CFAP97: variants seen among roughly 807,000 people sequenced by gnomAD.
The protein encoded by CFAP97 is cilia and flagella associated protein 97, also known as cilia- and flagella-associated protein 97.
CFAP97 carries 36 observed loss-of-function variants against 43.1 expected under a neutral mutation model. The observed-to-expected ratio is 0.84, with a 90% CI of 0.64 to 1.10. CFAP97 has a LOEUF of 1.10. CFAP97 is among the 50% of genes least tolerant of loss of function. The pLI is 0.00. For missense variants in CFAP97, 657 were observed against 620.3 expected, an observed-to-expected ratio of 1.06 and a Z score of -0.63; for synonymous variants, 228 against 225.7, an observed-to-expected ratio of 1.01 and a Z score of -0.09.
chr4:185,170,432 G>A (rs1037297525), intron 3 of CFAP97: 10 of 403,730 alleles, frequency 2.5e-5, no homozygotes, highest in African/African-American at 8.3e-5. Flanking sequence ...TTATTGAGAC[G>A]GAGTTTTGCT....
chr4:185,190,126 G>T lies in CFAP97; in HGVS notation c.1054+17C>A. On this transcript the variant is annotated intron_variant, in intron 2 of 4. Coordinates refer to ENST00000458385, the MANE Select transcript of CFAP97 (RefSeq NM_020827.3). ...ATAATATTTAAACACACATTTTTAA[G>T]AAGAAAAGAAAATTACCTTTCAAGA... The T allele has an allele frequency of 6.6e-7, 1 of 1,517,240 alleles. No homozygotes were observed. Among genetic ancestry groups the T allele is most frequent in the Non-Finnish European group, 8.9e-7 (1 of 1,127,326 alleles). 94.0% of individuals were successfully genotyped at this position (1,517,240 alleles called of 1,614,324 possible).
At chr4:185,206,660 C>CAAAAA (rs375061067), upstream of CFAP97, among the ~76,000 whole-genome samples, 1,919 of 77,126 alleles carry the variant, frequency 0.025, 100 homozygotes, top group African/African-American at 0.065. Flanking sequence ...ACTCTTGTCT[C>CAAAAA]AAAAAAAAAA....
intron 2 of CFAP97, among the ~76,000 whole-genome samples, chr4:185,184,509 T>G (rs1735932576): frequency 6.6e-6 from 1 of 152,192 alleles, no homozygotes; most frequent in Admixed American, 6.5e-5. Context: ...TCTCTTCCTC[T>G]GGACACTGTT....
At chr4:185,196,327 A>G (rs1736541096) in intron 1 of CFAP97, among the ~76,000 whole-genome samples, 1 of 152,110 alleles carries the variant, frequency 6.6e-6, no homozygotes, top group Non-Finnish European at 1.5e-5. Flanking sequence ...ATAAAAAATT[A>G]GCTGGGTGTG....
intron 3 of CFAP97, chr4:185,170,282 G>A: frequency 1.5e-6 from 1 of 656,732 alleles, no homozygotes. Flanking sequence ...GGAGATGGAG[G>A]CTGCAAGGAG....
intron 1 of CFAP97, among the ~76,000 whole-genome samples, chr4:185,191,749 G>C (rs891571513): frequency 6.6e-6 from 1 of 152,140 alleles, no homozygotes; most frequent in Non-Finnish European, 1.5e-5. Context: ...AGAATTGCTT[G>C]AACCCAGGAG....
At chr4:185,205,647 G>A (rs753391380), upstream of CFAP97, among the ~76,000 whole-genome samples, 1 of 152,032 alleles carries the variant, frequency 6.6e-6, no homozygotes, top group Non-Finnish European at 1.5e-5. Context: ...TGGCCAACAT[G>A]GTGAAACTCC....
intron 1 of CFAP97, among the ~76,000 whole-genome samples, chr4:185,197,376 G>A (rs1736601624): frequency 6.6e-6 from 1 of 151,632 alleles, no homozygotes; most frequent in South Asian, 2.1e-4. Context: ...TACACTGAAT[G>A]TCTCTGCTGG....
Position 185,190,848 on chromosome 4 carries a change from G to T in CFAP97, c.349C>A (p.Pro117Thr). 1 of 1,610,680 alleles carries T rather than the reference G, an allele frequency of 6.2e-7. No homozygotes were observed. The highest frequency in any genetic ancestry group is 8.5e-7 in the Non-Finnish European group (1 of 1,178,156). Residue 117 changes from proline to threonine, a missense_variant, in exon 2 of 5, where the codon CCA (proline) becomes ACA (threonine). Transcript: ENST00000458385. ...TTGLKIHVSIPNRIPKIVKEG... is the reference protein window; with the variant it reads ...TTGLKIHVSITNRIPKIVKEG... ...TTTACAATTTTGGGAATTCTATTTG[G>T]AATGGACACGTGTATTTTAAGTCCT...
upstream of CFAP97, among the ~76,000 whole-genome samples, chr4:185,204,974 G>T (rs1737121631): frequency 6.6e-6 from 1 of 152,206 alleles, no homozygotes; most frequent in Admixed American, 6.5e-5. Context: ...TAGCAGCAAT[G>T]GTATACAATC....
intron 1 of CFAP97, among the ~76,000 whole-genome samples, chr4:185,192,256 T>C (rs911485155): frequency 1.1e-4 from 16 of 152,202 alleles, no homozygotes; most frequent in Middle Eastern, 3.4e-3. Context: ...AAACCACATA[T>C]AGAAAATGAA....
intron 1 of CFAP97, among the ~76,000 whole-genome samples, chr4:185,197,263 T>C (rs35001532): frequency 0.5 from 76,537 of 151,614 alleles, 19,542 homozygotes; most frequent in East Asian, 0.6. Flanking sequence ...AACAAAAGAG[T>C]AATTTTACTA....
At position 185,191,009 on chromosome 4, in the gene CFAP97, T is replaced by C; in HGVS notation, c.188A>G (p.Tyr63Cys). 1 of 1,613,702 alleles carries C rather than the reference T, an allele frequency of 6.2e-7. No homozygotes were observed. Among genetic ancestry groups the C allele is most frequent in the Non-Finnish European group, 8.5e-7 (1 of 1,179,710 alleles). The change falls in exon 2 of 5, where the codon TAT becomes TGT. Residue 63 changes from tyrosine (Y) to cysteine (C), a missense_variant. Transcript: ENST00000458385. ...SNTGMQTTENYLTEKGNERNV... is the reference protein window; with the variant it reads ...SNTGMQTTENCLTEKGNERNV... ...TCTTTCATTTCCCTTCTCAGTAAGA[T>C]AATTTTCTGTTGTTTGCATTCCAGT...
In CFAP97 at chr4:185,175,995, C is replaced by T. The variant is rs1405910055; in HGVS notation, c.1111G>A (p.Val371Ile). The change falls in exon 3 of 5, where the codon GTA becomes ATA. Residue 371 changes from valine to isoleucine, a missense_variant. Transcript: ENST00000458385. The stretch of plus-strand genomic sequence containing the variant: ...AAAGAGTAGTTTTTCCCGGGTGCTA[C>T]TGAAGGCTGATCAAAGTGATGTTTT... The part of the protein sequence containing the change: ...PQKHHFDQPS[V>I]APGKNYSFTR... The T allele has an allele frequency of 2.5e-6, 4 of 1,612,662 alleles. No homozygotes were observed. The highest frequency in any genetic ancestry group is 3.4e-6 in the Non-Finnish European group (4 of 1,179,682).
upstream of CFAP97, among the ~76,000 whole-genome samples, chr4:185,205,984 G>A (rs371516851): frequency 2.0e-5 from 3 of 152,116 alleles, no homozygotes; most frequent in Non-Finnish European, 2.9e-5. Flanking sequence ...ATGAGATACC[G>A]ATGGCTTTAG....
At position 185,162,765 on chromosome 4, in the gene CFAP97, T is replaced by C. The variant is rs1579223444; in HGVS notation, c.*33A>G. On this transcript the variant is annotated 3_prime_UTR_variant, in exon 5 of 5. Transcript: ENST00000458385. ...ATATGCACGAGCACTTCAAGAAAAG[T>C]TGTGTGAACAATGTTTAAAGTAAAA... The C allele has an allele frequency of 1.2e-6, 2 of 1,604,238 alleles. No homozygotes were observed. The highest frequency in any genetic ancestry group is 4.5e-5 in the East Asian group (2 of 44,742).
chr4:185,168,824 T>G (rs1396829586), intron 3 of CFAP97, among the ~76,000 whole-genome samples: 1 of 151,604 alleles, frequency 6.6e-6, no homozygotes, highest in Non-Finnish European at 1.5e-5. Flanking sequence ...GCAGGAGAGT[T>G]GCTTGAACCC....
intron 3 of CFAP97, among the ~76,000 whole-genome samples, chr4:185,175,551 T>C (rs1468921000): frequency 6.6e-6 from 1 of 152,178 alleles, no homozygotes; most frequent in Non-Finnish European, 1.5e-5. Context: ...GCTAGAATTA[T>C]ATGCGTGACC....
intron 1 of CFAP97, among the ~76,000 whole-genome samples, chr4:185,198,891 C>T (rs1354173476): frequency 9.9e-5 from 15 of 152,156 alleles, no homozygotes; most frequent in South Asian, 2.1e-4. Flanking sequence ...CAATAAACAT[C>T]AGATTTCCAG....
Sources: gnomAD v4.1 joint callset for allele counts (sites outside exome capture counted in the v4.1 genomes callset) on GRCh38, gnomAD v4.1.1 for gene constraint, MANE v1.5 for transcripts, NCBI Gene and HGNC (gene_info 2026-07-23, HGNC 2026-07-21) for gene names.